FBRSL1: variants seen among roughly 807,000 people sequenced by gnomAD.
The protein encoded by FBRSL1 is fibrosin like 1.
FBRSL1 carries 51 observed loss-of-function variants against 89.6 expected under a neutral mutation model. The ratio of observed to expected loss-of-function variants is 0.57; its 90% CI spans 0.45 to 0.72. The LOEUF is 0.72. Ranked by LOEUF, FBRSL1 falls within the 30% of genes least tolerant of loss-of-function variation. FBRSL1 has a pLI of 0.00. For synonymous variants in FBRSL1, 779 were observed against 681.1 expected, an observed-to-expected ratio of 1.14 and a Z score of -2.24; for missense variants, 1,618 against 1,451.8, an observed-to-expected ratio of 1.11 and a Z score of -1.86.
chr12:132,555,977 C>T (rs1593474714), intron 5 of FBRSL1, among the ~76,000 whole-genome samples: 1 of 152,170 alleles, frequency 6.6e-6, no homozygotes, highest in African/African-American at 2.4e-5. Flanking sequence ...GGCACAGCAT[C>T]CCTGGGCTCT....
intron 4 of FBRSL1, among the ~76,000 whole-genome samples, chr12:132,541,568 T>C (rs1215081295): frequency 6.6e-6 from 1 of 152,168 alleles, no homozygotes; most frequent in East Asian, 1.9e-4. Context: ...TAAGCCCACA[T>C]GGTGGAGGGG....
intron 2 of FBRSL1, chr12:132,510,730 C>A: frequency 1.7e-6 from 2 of 1,208,696 alleles, no homozygotes; most frequent in Non-Finnish European, 2.1e-6. Flanking sequence ...CCCTCTCCCC[C>A]CACTGGCGTC....
chr12:132,583,056 G>C lies in FBRSL1; in HGVS notation c.2287G>C (p.Ala763Pro). 6.9e-7 allele frequency: 1 copy of C among 1,448,166 alleles called. No homozygotes were observed. Among genetic ancestry groups the C allele is most frequent in the Non-Finnish European group, 9.0e-7 (1 of 1,107,730 alleles). 89.7% of individuals were successfully genotyped at this position (1,448,166 alleles called of 1,614,324 possible). Residue 763 changes from alanine (A) to proline (P), a missense_variant, in exon 19 of 19, where the codon GCC becomes CCC. Coordinates refer to ENST00000680143, the MANE Select transcript of FBRSL1 (RefSeq NM_001367871.1). ...GHPVSGLLLRAQSELGRSGAP... is the reference protein window; with the variant it reads ...GHPVSGLLLRPQSELGRSGAP... ...CCCCGTCAGCGGCCTCCTGCTCCGGGCCCAGAGCGAGCTGGGCCGGTCCGG... is the reference window on the plus strand; with the variant it reads ...CCCCGTCAGCGGCCTCCTGCTCCGGCCCCAGAGCGAGCTGGGCCGGTCCGG...
chr12:132,511,221 C>A, intron 2 of FBRSL1: 2 of 985,510 alleles, frequency 2.0e-6, no homozygotes, highest in Non-Finnish European at 2.4e-6. Flanking sequence ...CTCCACCACC[C>A]CCGTGGGCAT....
intron 4 of FBRSL1, among the ~76,000 whole-genome samples, chr12:132,541,666 C>T (rs528795807): frequency 7.7e-4 from 118 of 152,368 alleles, no homozygotes; most frequent in African/African-American, 2.7e-3. Flanking sequence ...AAGCTCAACT[C>T]GAAATCTCCC....
intron 4 of FBRSL1, among the ~76,000 whole-genome samples, chr12:132,538,350 C>T (rs1328268073): frequency 3.3e-5 from 5 of 152,234 alleles, no homozygotes; most frequent in African/African-American, 1.2e-4. Flanking sequence ...GCCAGCCCTG[C>T]AGCCCCACCA....
At chr12:132,532,407 CCTTGTG>C (rs2036365743) in intron 4 of FBRSL1, among the ~76,000 whole-genome samples, 1 of 152,154 alleles carries the variant, frequency 6.6e-6, no homozygotes, top group African/African-American at 2.4e-5. Flanking sequence ...CTGCCCAGCC[CCTTGTG>C]CCCATCAAGA....
intron 6 of FBRSL1, among the ~76,000 whole-genome samples, chr12:132,569,316 C>T (rs2039850354): frequency 6.6e-6 from 1 of 152,062 alleles, no homozygotes; most frequent in Non-Finnish European, 1.5e-5. Flanking sequence ...CTGAGGGTGG[C>T]GGGTGACGGG....
rs1445604116 is a variant in FBRSL1, at chr12:132,490,470, C to A, written c.-101C>A. On this transcript the variant is annotated 5_prime_UTR_variant, in exon 1 of 19. Transcript: ENST00000680143. Reference sequence around the variant, plus strand: ...GCCCAGGGCCCGAGCCCGCGCGGCGCACACTCAGCCCGGCGGCGCCGCGTA... The same window carrying A: ...GCCCAGGGCCCGAGCCCGCGCGGCGAACACTCAGCCCGGCGGCGCCGCGTA... The A allele has an allele frequency of 1.2e-6, 1 of 839,692 alleles. No individual in the cohort carries two copies. The highest frequency in any genetic ancestry group is 1.4e-6 in the Non-Finnish European group (1 of 702,090). The allele number at this position is 839,692 out of a possible 1,614,324, so 52.0% of individuals were successfully genotyped here.
At position 132,583,826 on chromosome 12, in the gene FBRSL1, C is replaced by A. The variant is rs971659868; in HGVS notation, c.*48C>A. The A allele has an allele frequency of 2.8e-6, 3 of 1,089,272 alleles. No homozygotes were observed. The highest frequency in any genetic ancestry group is 3.4e-6 in the Non-Finnish European group (3 of 871,698). 67.5% of individuals were successfully genotyped at this position (1,089,272 alleles called of 1,614,324 possible). On this transcript the variant is annotated 3_prime_UTR_variant, in exon 19 of 19. Transcript: ENST00000680143. ...CCGAGCGGAGCGCACCGCTGTCCGTCTCTCCATCAGTTCCTAGAACTCAAG... is the reference window on the plus strand; with the variant it reads ...CCGAGCGGAGCGCACCGCTGTCCGTATCTCCATCAGTTCCTAGAACTCAAG...
At chr12:132,535,628 G>T (rs2036644604) in intron 4 of FBRSL1, among the ~76,000 whole-genome samples, 2 of 152,264 alleles carry the variant, frequency 1.3e-5, no homozygotes, top group Admixed American at 1.3e-4. Flanking sequence ...GGGAAGTGAG[G>T]CTGAGGCTGT....
chr12:132,562,531 T>C (rs1260358073), intron 5 of FBRSL1, among the ~76,000 whole-genome samples: 1 of 45,302 alleles, frequency 2.2e-5, no homozygotes, highest in Non-Finnish European at 3.9e-5. Flanking sequence ...GACATAGAGT[T>C]GGTGTTTCAC....
chr12:132,521,488 G>T (rs1053574909), intron 2 of FBRSL1, among the ~76,000 whole-genome samples: 11 of 152,192 alleles, frequency 7.2e-5, no homozygotes, highest in Admixed American at 6.5e-5. Context: ...CCTTCTCAGG[G>T]TTCTCCAGGG....
intron 1 of FBRSL1, chr12:132,507,062 G>A: frequency 5.7e-6 from 2 of 348,704 alleles, no homozygotes; most frequent in Non-Finnish European, 8.1e-6. Context: ...TCTGTCGTCT[G>A]CCCTTACCGG....
chr12:132,509,932 A>G, intron 2 of FBRSL1: 1 of 1,231,252 alleles, frequency 8.1e-7, no homozygotes, highest in Non-Finnish European at 1.0e-6. Flanking sequence ...GCCCCGTGTC[A>G]GTACGGCCAG....
intron 3 of FBRSL1, among the ~76,000 whole-genome samples, chr12:132,526,527 C>CGG (rs780535860): frequency 6.6e-6 from 1 of 152,136 alleles, no homozygotes; most frequent in Non-Finnish European, 1.5e-5. Flanking sequence ...GTGGGCCCAT[C>CGG]GGGACCCAGG....
At chr12:132,508,095 C>A in intron 1 of FBRSL1, 58 bp from the exon 2 acceptor site, 1 of 1,458,918 alleles carries the variant, frequency 6.9e-7, no homozygotes, top group Non-Finnish European at 9.3e-7. Flanking sequence ...GGGTGCTGTC[C>A]TGGGCCCAAG....
chr12:132,554,030 G>C (rs994887565), intron 5 of FBRSL1: 3 of 152,290 alleles, frequency 2.0e-5, no homozygotes, highest in African/African-American at 7.2e-5. Context: ...AGGGCCCCGT[G>C]ATGTCCCCGT....
intron 2 of FBRSL1, among the ~76,000 whole-genome samples, chr12:132,512,159 C>T (rs2034416205): frequency 6.6e-6 from 1 of 152,224 alleles, no homozygotes; most frequent in Non-Finnish European, 1.5e-5. Flanking sequence ...GGGCACCGGC[C>T]TCCAGATCCC....
Sources: allele counts gnomAD v4.1 joint callset (sites outside exome capture counted in the v4.1 genomes callset), GRCh38; gene constraint gnomAD v4.1.1; transcripts MANE v1.5; gene names NCBI Gene and HGNC (gene_info 2026-07-23, HGNC 2026-07-21).